The following HIBADH variants were observed in gnomAD, a reference collection of about 807,000 sequenced individuals.
The protein encoded by HIBADH is 3-hydroxyisobutyrate dehydrogenase.
A neutral mutation model predicts 36.1 loss-of-function variants in HIBADH; 25 were observed. The observed-to-expected ratio is 0.69, with a 90% CI of 0.50 to 0.97. The LOEUF is 0.97. Ranked by LOEUF, HIBADH falls within the 50% of genes least tolerant of loss-of-function variation. The pLI is 0.00. For synonymous variants in HIBADH, 160 were observed against 149.5 expected, an observed-to-expected ratio of 1.07 and a Z score of -0.51; for missense variants, 421 against 418.0, an observed-to-expected ratio of 1.01 and a Z score of -0.06.
chr7:27,578,681 A>G (rs1428118430), intron 4 of HIBADH, among the ~76,000 whole-genome samples: 1 of 152,168 alleles, frequency 6.6e-6, no homozygotes, highest in Non-Finnish European at 1.5e-5. Flanking sequence ...CATATTGGAC[A>G]CTGATTTTTA....
rs775838649 is a variant in HIBADH at position 27,649,473 on chromosome 7, C to T, written c.252G>A (p.Gln84=). 1.9e-6 allele frequency: 3 copies of T among 1,603,688 alleles called. No homozygotes were observed. The highest frequency in any genetic ancestry group is 2.6e-6 in the Non-Finnish European group (3 of 1,174,866). Residue 84 remains glutamine, a splice_region_variant and synonymous_variant, in exon 2 of 8, where the codon CAG becomes CAA. Transcript: ENST00000265395. ...ACKEFQDAGE[Q]VVSSPADVAE... ...AACAAATCTAAAGAAAAGGTCTTAC[C>T]TGTTCACCTGCATCTTGAAACTCTT...
At chr7:27,643,341 TGAG>T (rs1239079918) in intron 2 of HIBADH, among the ~76,000 whole-genome samples, 2 of 152,182 alleles carry the variant, frequency 1.3e-5, no homozygotes, top group Admixed American at 1.3e-4. Context: ...ATGGACAGCA[TGAG>T]AAGAGGAACA....
At chr7:27,607,651 A>G (rs1458461365) in intron 4 of HIBADH, among the ~76,000 whole-genome samples, 1 of 152,198 alleles carries the variant, frequency 6.6e-6, no homozygotes. Flanking sequence ...GGAAATAATT[A>G]TTTTAACTAT....
chr7:27,554,432 T>C (rs1172069260), intron 4 of HIBADH, among the ~76,000 whole-genome samples: 1 of 152,246 alleles, frequency 6.6e-6, no homozygotes, highest in South Asian at 2.1e-4. Flanking sequence ...AAGTTTCACA[T>C]GCATCCTTTC....
intron 4 of HIBADH, among the ~76,000 whole-genome samples, chr7:27,599,115 A>G (rs1193431917): frequency 3.9e-5 from 6 of 152,178 alleles, no homozygotes; most frequent in Non-Finnish European, 7.3e-5. Flanking sequence ...GAAAGGGAAT[A>G]ATTAAGGACC....
intron 3 of HIBADH, among the ~76,000 whole-genome samples, chr7:27,631,774 A>T (rs916284492): frequency 6.6e-6 from 1 of 152,178 alleles, no homozygotes; most frequent in Non-Finnish European, 1.5e-5. Flanking sequence ...AGTACATCCT[A>T]CTACTCAAGG....
intron 5 of HIBADH, 100 bp downstream of exon 5, chr7:27,542,867 T>C (rs553128869): frequency 1.3e-5 from 16 of 1,258,506 alleles, no homozygotes; most frequent in African/African-American, 3.0e-5. Context: ...AAAGAATCCA[T>C]AGGTTGAAGA....
At chr7:27,631,559 T>G (rs1022162370) in intron 3 of HIBADH, among the ~76,000 whole-genome samples, 1 of 152,166 alleles carries the variant, frequency 6.6e-6, no homozygotes, top group Non-Finnish European at 1.5e-5. Context: ...ATGACAAAAC[T>G]AAGCTGGGAA....
At chr7:27,539,307 G>C (rs1423182303) in intron 5 of HIBADH, among the ~76,000 whole-genome samples, 5 of 152,166 alleles carry the variant, frequency 3.3e-5, no homozygotes, top group Admixed American at 3.3e-4. Context: ...GTGTTGAATG[G>C]AAATGAAGGT....
chr7:27,533,469 C>T (rs144780004), intron 6 of HIBADH, among the ~76,000 whole-genome samples: 54 of 152,228 alleles, frequency 3.5e-4, no homozygotes, highest in African/African-American at 1.3e-3. Flanking sequence ...CTCCACTTCC[C>T]TCCCCCTGCC....
chr7:27,644,460 C>T (rs908058412), intron 2 of HIBADH, among the ~76,000 whole-genome samples: 2 of 151,890 alleles, frequency 1.3e-5, no homozygotes, highest in Non-Finnish European at 2.9e-5. Context: ...ATTAGACAGG[C>T]GTGGTGACAT....
chr7:27,646,684 C>T (rs999066335), intron 2 of HIBADH, among the ~76,000 whole-genome samples: 2 of 145,180 alleles, frequency 1.4e-5, no homozygotes, highest in Non-Finnish European at 3.0e-5. Context: ...ACAACCACGC[C>T]CAGCATTTTT....
rs1433870768 is a variant in HIBADH, at chr7:27,589,851, C to T, written c.484+39520G>A. On this transcript the variant is annotated intron_variant, in intron 4 of 7. Coordinates refer to ENST00000265395, the MANE Select transcript of HIBADH (RefSeq NM_152740.4). ...CCCAAGTCATACAACTAGTAAGTGA[C>T]CTACATTGGAGTCCTGAATCCAAAT... Among the ~76,000 whole-genome samples, 4 of 152,072 alleles carry T rather than the reference C, an allele frequency of 2.6e-5. No individual in the cohort carries two copies. The East Asian group carries it at 7.7e-4, about 29-fold the overall frequency.
chr7:27,628,663 C>T (rs1329533688), intron 4 of HIBADH, among the ~76,000 whole-genome samples: 1 of 152,030 alleles, frequency 6.6e-6, no homozygotes, highest in South Asian at 2.1e-4. Flanking sequence ...ATTATATGCA[C>T]AGATTTTCTA....
intron 4 of HIBADH, among the ~76,000 whole-genome samples, chr7:27,578,829 ACAAGT>A (rs1245974537): frequency 1.3e-5 from 2 of 152,210 alleles, no homozygotes; most frequent in Non-Finnish European, 1.5e-5. Flanking sequence ...AGCAGGCAGA[ACAAGT>A]CAAGATTCTC....
chr7:27,624,800 G>A (rs556546603), intron 4 of HIBADH, among the ~76,000 whole-genome samples: 2 of 152,192 alleles, frequency 1.3e-5, no homozygotes, highest in Non-Finnish European at 1.5e-5. Context: ...TTCCACCCTT[G>A]GTAAAATGGG....
chr7:27,653,399 T>C (rs962528351), intron 1 of HIBADH, among the ~76,000 whole-genome samples: 1 of 152,152 alleles, frequency 6.6e-6, no homozygotes, highest in African/African-American at 2.4e-5. Context: ...AGGGTAACTA[T>C]GAACTGTCAA....
chr7:27,604,672 A>T (rs763927324), intron 4 of HIBADH, among the ~76,000 whole-genome samples: 1 of 152,166 alleles, frequency 6.6e-6, no homozygotes, highest in South Asian at 2.1e-4. Flanking sequence ...AAATGTCATG[A>T]GTACCTTTGT....
chr7:27,597,073 C>T (rs559927229), intron 4 of HIBADH, among the ~76,000 whole-genome samples: 53 of 150,974 alleles, frequency 3.5e-4, no homozygotes, highest in African/African-American at 1.0e-3. Flanking sequence ...ATTAAAAAAT[C>T]GGAAAAAATA....
Sources: gnomAD v4.1 joint callset for allele counts (sites outside exome capture counted in the v4.1 genomes callset) on GRCh38, gnomAD v4.1.1 for gene constraint, MANE v1.5 for transcripts, NCBI Gene and HGNC (gene_info 2026-07-23, HGNC 2026-07-21) for gene names.